The following DTWD2 variants were observed in gnomAD, a reference collection of about 807,000 sequenced individuals.
DTWD2 encodes DTW motif tRNA-uridine aminocarboxypropyltransferase 2, also known as tRNA-uridine aminocarboxypropyltransferase 2.
In DTWD2, 39 loss-of-function variants were observed where a neutral mutation model predicts 31.8. The ratio of observed to expected loss-of-function variants is 1.22; its 90% CI spans 0.95 to 1.60. The LOEUF is 1.60. DTWD2 is among the 40% of genes most tolerant of loss of function. The pLI, the probability that DTWD2 is intolerant of heterozygous loss-of-function variation, is 0.00. For synonymous variants in DTWD2, 180 were observed against 142.8 expected, an observed-to-expected ratio of 1.26 and a Z score of -1.86; for missense variants, 515 against 381.5, an observed-to-expected ratio of 1.35 and a Z score of -2.92.
intron 4 of DTWD2, among the ~76,000 whole-genome samples, chr5:118,896,020 C>T (rs540665906): frequency 1.3e-5 from 2 of 151,968 alleles, no homozygotes; most frequent in African/African-American, 4.8e-5. Flanking sequence ...TATTAATACA[C>T]AAAAATAAAC....
chr5:118,931,674 T>C (rs1265348762), intron 3 of DTWD2, among the ~76,000 whole-genome samples: 4 of 152,152 alleles, frequency 2.6e-5, no homozygotes, highest in African/African-American at 7.2e-5. Context: ...CAGTAACTGG[T>C]AGATCAAGCA....
At chr5:118,895,777 T>C (rs1023053399) in intron 4 of DTWD2, among the ~76,000 whole-genome samples, 1 of 152,128 alleles carries the variant, frequency 6.6e-6, no homozygotes, top group Non-Finnish European at 1.5e-5. Context: ...GGCAGTCTCT[T>C]TAATAAATGG....
chr5:118,974,168 T>G (rs1755071000), intron 1 of DTWD2: 1 of 1,496,450 alleles, frequency 6.7e-7, no homozygotes, highest in Non-Finnish European at 9.1e-7. Flanking sequence ...AAGGCCGCCT[T>G]GACCTATTCA....
At chr5:118,920,179 C>A (rs924461744) in intron 4 of DTWD2, among the ~76,000 whole-genome samples, 9 of 151,876 alleles carry the variant, frequency 5.9e-5, no homozygotes, top group African/African-American at 1.9e-4. Flanking sequence ...GTTGTAACAC[C>A]CTGAAAAAAC....
In DTWD2 at chr5:118,928,671, C is replaced by T. The variant is rs145178816; in HGVS notation, c.463G>A (p.Ala155Thr). 2,810 of 1,595,732 alleles carry T rather than the reference C, an allele frequency of 1.8e-3. 3 individuals are homozygous for T. Among genetic ancestry groups the T allele is most frequent in the Non-Finnish European group, 2.3e-3 (2,634 of 1,170,314 alleles). Residue 155 changes from alanine (A) to threonine (T), a missense_variant, in exon 4 of 6, where the codon GCT becomes ACT. By Grantham distance (58) the Ala-to-Thr change is moderately conservative. Coordinates refer to ENST00000510708, the MANE Select transcript of DTWD2 (RefSeq NM_173666.4). ...AATTCTTCCAAATTAGCAGCTTCAG[C>T]CCCTGGATATAATATTAATGTACCA... ...KSGTLILYPG[A>T]EAANLEEFIL...
chr5:118,867,895 T>C (rs1295550007), intron 4 of DTWD2, among the ~76,000 whole-genome samples: 1 of 152,190 alleles, frequency 6.6e-6, no homozygotes, highest in Non-Finnish European at 1.5e-5. Context: ...CCAAGTCCTT[T>C]TTGCAGAAGT....
At chr5:118,880,852 G>C (rs1277148715) in intron 4 of DTWD2, among the ~76,000 whole-genome samples, 2 of 152,000 alleles carry the variant, frequency 1.3e-5, no homozygotes, top group Non-Finnish European at 2.9e-5. Flanking sequence ...TTTTGTTTGG[G>C]GGTTTCTTTA....
rs1472878748 is a variant in DTWD2, at chr5:118,839,541, G to C, written c.*1376C>G. On this transcript the variant is annotated 3_prime_UTR_variant, in exon 6 of 6. Coordinates refer to ENST00000510708, the MANE Select transcript of DTWD2 (RefSeq NM_173666.4). ...GGCTAATTATTTTTTTTTTAATTTT[G>C]TATGGAGATGGAGTCTCACCATATT... 5 of 150,896 alleles carry C rather than the reference G, an allele frequency of 3.3e-5. No individual in the cohort carries two copies. The highest frequency in any genetic ancestry group is 4.9e-5 in the African/African-American group (2 of 40,994). 9.3% of individuals were successfully genotyped at this position (150,896 alleles called of 1,614,324 possible). A position where few individuals can be genotyped will look rare whatever the true frequency, so the allele number is the denominator to read the frequency against.
chr5:118,845,249 T>C (rs996953475), intron 5 of DTWD2, among the ~76,000 whole-genome samples: 2 of 152,148 alleles, frequency 1.3e-5, no homozygotes, highest in East Asian at 3.9e-4. Flanking sequence ...ATCTTAAGGT[T>C]TTATTAGAAT....
At chr5:118,908,341 C>T (rs1437622058) in intron 4 of DTWD2, among the ~76,000 whole-genome samples, 1 of 152,096 alleles carries the variant, frequency 6.6e-6, no homozygotes, top group Non-Finnish European at 1.5e-5. Flanking sequence ...GCTAAAACAG[C>T]TGGCAGCCAG....
At chr5:118,985,967 C>G (rs899188195) in intron 1 of DTWD2, among the ~76,000 whole-genome samples, 3 of 152,156 alleles carry the variant, frequency 2.0e-5, no homozygotes, top group Non-Finnish European at 4.4e-5. Flanking sequence ...TCCTGATATT[C>G]AGGAGAACTG....
At chr5:118,897,300 A>G (rs577113940) in intron 4 of DTWD2, among the ~76,000 whole-genome samples, 1 of 152,344 alleles carries the variant, frequency 6.6e-6, no homozygotes, top group South Asian at 2.1e-4. Flanking sequence ...GAATTGTAAC[A>G]TGTGTGAAGT....
chr5:118,962,107 G>A (rs1274430510), intron 1 of DTWD2, among the ~76,000 whole-genome samples: 2 of 152,024 alleles, frequency 1.3e-5, no homozygotes, highest in African/African-American at 4.8e-5. Context: ...GCATGGTGGT[G>A]CATGCCTGTA....
intron 1 of DTWD2, chr5:118,973,707 G>T (rs545077753): frequency 4.6e-6 from 7 of 1,509,678 alleles, no homozygotes; most frequent in Non-Finnish European, 5.4e-6. Flanking sequence ...CTCCTCCGCC[G>T]CCGCGGACTC....
intron 4 of DTWD2, among the ~76,000 whole-genome samples, chr5:118,918,684 C>T (rs1273565924): frequency 6.6e-6 from 1 of 152,112 alleles, no homozygotes; most frequent in Non-Finnish European, 1.5e-5. Flanking sequence ...CAACACCACT[C>T]TTGCATCAAG....
intron 4 of DTWD2, among the ~76,000 whole-genome samples, chr5:118,883,563 C>G (rs1752790992): frequency 6.6e-6 from 1 of 152,144 alleles, no homozygotes; most frequent in Non-Finnish European, 1.5e-5. Flanking sequence ...CTCACAGTTC[C>G]CCGCATAGCT....
chr5:118,953,931 C>A (rs1446385661), intron 1 of DTWD2, among the ~76,000 whole-genome samples: 2 of 152,152 alleles, frequency 1.3e-5, no homozygotes, highest in Non-Finnish European at 2.9e-5. Flanking sequence ...ATCTGCAGAG[C>A]TTAAAGATTC....
At chr5:118,879,943 CT>C (rs1451887472) in intron 4 of DTWD2, among the ~76,000 whole-genome samples, 1 of 152,112 alleles carries the variant, frequency 6.6e-6, no homozygotes, top group Non-Finnish European at 1.5e-5. Context: ...CCATGTACCC[CT>C]AAACTTAAAA....
chr5:118,899,951 G>A (rs138945170), intron 4 of DTWD2, among the ~76,000 whole-genome samples: 57 of 151,906 alleles, frequency 3.8e-4, no homozygotes, highest in African/African-American at 1.2e-3. Flanking sequence ...ACAGGCGCAC[G>A]TCACCACACC....
Sources: allele counts gnomAD v4.1 joint callset (sites outside exome capture counted in the v4.1 genomes callset), GRCh38; gene constraint gnomAD v4.1.1; transcripts MANE v1.5; gene names NCBI Gene and HGNC (gene_info 2026-07-23, HGNC 2026-07-21).